The following CKAP2L variants were observed in gnomAD, a reference collection of about 807,000 sequenced individuals.
The protein encoded by CKAP2L is cytoskeleton associated protein 2L.
Under a neutral mutation model 65.7 loss-of-function variants are expected in CKAP2L, and 42 were observed. That is an observed-to-expected ratio of 0.64 (90% confidence interval 0.50 to 0.83). CKAP2L has a LOEUF of 0.83. Ranked by LOEUF, CKAP2L falls within the 40% of genes least tolerant of loss-of-function variation. The pLI, the probability that CKAP2L is intolerant of heterozygous loss-of-function variation, is 0.00. For missense variants in CKAP2L, 908 were observed against 871.0 expected (o/e 1.04, Z -0.53); for synonymous variants, 325 against 313.5 (o/e 1.04, Z -0.39).
chr2:112,758,049 G>A (rs986943473), intron 3 of CKAP2L, among the ~76,000 whole-genome samples: 4 of 152,178 alleles, frequency 2.6e-5, no homozygotes, highest in African/African-American at 9.7e-5. Flanking sequence ...GATGATGTGA[G>A]GCCTGAGATA....
intron 4 of CKAP2L, among the ~76,000 whole-genome samples, chr2:112,755,367 C>T (rs1680497757): frequency 2.0e-5 from 3 of 152,056 alleles, no homozygotes; most frequent in South Asian, 2.1e-4. Flanking sequence ...CTCGAACTCC[C>T]GACCTCAGGT....
chr2:112,742,138 G>T (rs1409306622), intron 7 of CKAP2L, among the ~76,000 whole-genome samples: 3 of 151,992 alleles, frequency 2.0e-5, no homozygotes, highest in Non-Finnish European at 2.9e-5. Flanking sequence ...AAGATAACAA[G>T]AAGAATCCAA....
Position 112,764,586 on chromosome 2 carries a change from C to A in CKAP2L, c.13G>T (p.Gly5Trp). 3 of 1,614,164 alleles carry A rather than the reference C, an allele frequency of 1.9e-6. No homozygotes were observed. The highest frequency in any genetic ancestry group is 1.7e-6 in the Non-Finnish European group (2 of 1,180,010). The change falls in exon 1 of 9, where the codon GGG becomes TGG. Residue 5 changes from glycine (G) to tryptophan (W), a missense_variant. By Grantham distance (184) the Gly-to-Trp change is radical (BLOSUM62 -2). Transcript: ENST00000302450. ...CCGACAGCGGCAGCAGCGGTAGGCC[C>A]GGGCCCCACCATGACTCTTCAGTGA... MVGP[G>W]PTAAAAVEER...
intron 5 of CKAP2L, among the ~76,000 whole-genome samples, chr2:112,750,758 G>A (rs1188175862): frequency 1.3e-5 from 2 of 149,572 alleles, no homozygotes; most frequent in African/African-American, 4.9e-5. Flanking sequence ...GTAAAATTCA[G>A]AGGCAAATCT....
chr2:112,743,511 C>T (rs1680097244), intron 6 of CKAP2L, among the ~76,000 whole-genome samples: 1 of 152,066 alleles, frequency 6.6e-6, no homozygotes, highest in African/African-American at 2.4e-5. Context: ...GGTATCGGCT[C>T]ACCACAAACT....
chr2:112,754,016 G>A (rs182480445), intron 4 of CKAP2L, among the ~76,000 whole-genome samples: 2 of 152,306 alleles, frequency 1.3e-5, no homozygotes, highest in African/African-American at 4.8e-5. Context: ...TGGCAGTCCA[G>A]TTCCCAGCAC....
At chr2:112,745,129 T>C (rs1680165292) in intron 6 of CKAP2L, among the ~76,000 whole-genome samples, 1 of 152,146 alleles carries the variant, frequency 6.6e-6, no homozygotes, top group Non-Finnish European at 1.5e-5. Context: ...AAGTAACTTG[T>C]TCAGTCTGGA....
At chr2:112,743,853 T>TA (rs1170119164) in intron 6 of CKAP2L, among the ~76,000 whole-genome samples, 1 of 152,242 alleles carries the variant, frequency 6.6e-6, no homozygotes, top group Non-Finnish European at 1.5e-5. Context: ...AATTTTCTGA[T>TA]AAAATTATCT....
intron 6 of CKAP2L, among the ~76,000 whole-genome samples, chr2:112,743,495 T>G (rs988641095): frequency 8.6e-5 from 13 of 151,994 alleles, no homozygotes; most frequent in African/African-American, 3.1e-4. Context: ...TGGAGTGCAA[T>G]GGTGCGGTAT....
In CKAP2L at chr2:112,752,363, C is replaced by T. The variant is rs767684484; in HGVS notation, c.1506G>A (p.Lys502=). Residue 502 remains lysine (K), a synonymous_variant, in exon 5 of 9, where the codon AAG becomes AAA. Coordinates refer to ENST00000302450, the MANE Select transcript of CKAP2L (RefSeq NM_152515.5). ...TTTCTTCCTCTTCTTTTTCAATGCTCTTCCAGAATGAAATATTCATTTCCT... is the reference window on the plus strand; with the variant it reads ...TTTCTTCCTCTTCTTTTTCAATGCTTTTCCAGAATGAAATATTCATTTCCT... The part of the protein sequence containing the change: ...VIKEMNISFW[K]SIEKEEEEKK... The T allele has an allele frequency of 1.2e-6, 2 of 1,613,180 alleles. No individual in the cohort carries two copies. The highest frequency in any genetic ancestry group is 1.7e-6 in the Non-Finnish European group (2 of 1,179,290).
At chr2:112,747,701 C>T (rs1680246135) in intron 5 of CKAP2L, among the ~76,000 whole-genome samples, 1 of 152,198 alleles carries the variant, frequency 6.6e-6, no homozygotes, top group Admixed American at 6.5e-5. Context: ...GCACCTTCTA[C>T]TGCTAGAAAT....
chr2:112,761,460 C>CA (rs1182818451), intron 2 of CKAP2L, among the ~76,000 whole-genome samples: 1,003 of 25,948 alleles, frequency 0.039, 76 homozygotes, highest in African/African-American at 0.062. Flanking sequence ...GACTCCGTCT[C>CA]AAAAAAAAAA....
intron 6 of CKAP2L, among the ~76,000 whole-genome samples, chr2:112,744,992 T>C (rs1680160171): frequency 1.3e-5 from 2 of 151,910 alleles, no homozygotes; most frequent in South Asian, 2.1e-4. Context: ...ATAGACAATG[T>C]AGGAAGAAGA....
At chr2:112,760,882 C>A in intron 2 of CKAP2L, 118 bp from the exon 3 acceptor site, 1 of 610,722 alleles carries the variant, frequency 1.6e-6, no homozygotes, top group Admixed American at 3.2e-5. Flanking sequence ...TCTGTAATGG[C>A]AAAATAATTC....
rs778246715 is a variant in CKAP2L at position 112,760,680 on chromosome 2, T to C, written c.156+33A>G. ...TTTTATTACTAATCATACTTATGAA[T>C]GCATATTTTTAAAAAGACTAATTTC... On this transcript the variant is annotated intron_variant, in intron 3 of 8. Transcript: ENST00000302450. The C allele has an allele frequency of 1.6e-5, 17 of 1,030,574 alleles. No individual in the cohort carries two copies. The East Asian group carries it at 4.3e-4, about 26-fold the overall frequency. 63.8% of individuals were successfully genotyped at this position (1,030,574 alleles called of 1,614,324 possible).
chr2:112,749,814 T>G (rs1232377517), intron 5 of CKAP2L, among the ~76,000 whole-genome samples: 3 of 152,184 alleles, frequency 2.0e-5, no homozygotes, highest in Admixed American at 1.3e-4. Context: ...AACTTTCTGC[T>G]GGGCAGCAGC....
chr2:112,752,518 CATAGT>C (rs1448623529), intron 4 of CKAP2L, 44 bp from the exon 5 acceptor site: 3 of 1,209,956 alleles, frequency 2.5e-6, no homozygotes, highest in Non-Finnish European at 2.4e-6. Context: ...TATTTTTAAA[CATAGT>C]CAAGCTGCTA....
At position 112,757,206 on chromosome 2, in the gene CKAP2L, T is replaced by C. The variant is rs775015880; in HGVS notation, c.165A>G (p.Arg55=). 6.4e-7 allele frequency: 1 copy of C among 1,574,466 alleles called. No individual in the cohort carries two copies. The highest frequency in any genetic ancestry group is 8.6e-7 in the Non-Finnish European group (1 of 1,162,660). Residue 55 remains arginine, a synonymous_variant, in exon 4 of 9, where the codon AGA becomes AGG. Coordinates refer to ENST00000302450, the MANE Select transcript of CKAP2L (RefSeq NM_152515.5). The stretch of plus-strand genomic sequence containing the variant: ...CATGGTTGGTAACATCATTTTTGGG[T>C]CTAATAGTCTGAAAAAACAAAGAAA... The part of the protein sequence containing the change: ...QNQPPSKSTI[R]PKNDVTNHVV...
chr2:112,736,790 T>C lies in CKAP2L; in HGVS notation c.*2033A>G, dbSNP rs970095782. 4 of 152,386 alleles carry C rather than the reference T, an allele frequency of 2.6e-5. No homozygotes were observed. In the South Asian group the frequency reaches 8.3e-4, roughly 32 times the overall value. 9.4% of individuals were successfully genotyped at this position (152,386 alleles called of 1,614,324 possible). On this transcript the variant is annotated 3_prime_UTR_variant, in exon 9 of 9. Coordinates refer to ENST00000302450, the MANE Select transcript of CKAP2L (RefSeq NM_152515.5). ...GAACTCCCTCTTTTCCAAGGATGAATACTATTCCACGGCATGCATATGCCG... is the reference window on the plus strand; with the variant it reads ...GAACTCCCTCTTTTCCAAGGATGAACACTATTCCACGGCATGCATATGCCG...
Sources: allele counts gnomAD v4.1 joint callset (sites outside exome capture counted in the v4.1 genomes callset), GRCh38; gene constraint gnomAD v4.1.1; transcripts MANE v1.5; gene names NCBI Gene and HGNC (gene_info 2026-07-23, HGNC 2026-07-21).